FANCL: variants seen among roughly 807,000 people sequenced by gnomAD.
The protein encoded by FANCL is E3 ubiquitin-protein ligase FANCL.
A neutral mutation model predicts 59.4 loss-of-function variants in FANCL; 69 were observed. That is an observed-to-expected ratio of 1.16 (90% confidence interval 0.96 to 1.42). The LOEUF is 1.42. FANCL is among the 40% of genes most tolerant of loss of function. FANCL has a pLI of 0.00. For synonymous variants in FANCL, 180 were observed against 147.1 expected (o/e 1.22, Z -1.62); for missense variants, 519 against 447.2 (o/e 1.16, Z -1.45).
chr2:58,192,523 C>G (rs1558776099), intron 7 of FANCL, among the ~76,000 whole-genome samples: 1 of 151,858 alleles, frequency 6.6e-6, no homozygotes, highest in Admixed American at 6.6e-5. Context: ...CCGTTAACCA[C>G]ATTACATTAG....
At chr2:58,230,197 T>C (rs1693436241) in intron 2 of FANCL, among the ~76,000 whole-genome samples, 1 of 152,232 alleles carries the variant, frequency 6.6e-6, no homozygotes, top group Non-Finnish European at 1.5e-5. Context: ...ACAGTTTTGA[T>C]AACAATATAT....
intron 1 of FANCL, among the ~76,000 whole-genome samples, chr2:58,233,940 A>C (rs534729695): frequency 3.3e-5 from 5 of 152,184 alleles, no homozygotes; most frequent in Non-Finnish European, 5.9e-5. Flanking sequence ...TTAGGCTCTT[A>C]TACGAGTAAA....
Position 58,172,188 on chromosome 2 carries a change from A to C in FANCL, c.541-6314T>G, listed in dbSNP as rs531430925. Among the ~76,000 whole-genome samples the C allele has an allele frequency of 2.0e-5, 3 of 152,304 alleles. No individual in the cohort carries two copies. The South Asian group carries it at 6.2e-4, about 32-fold the overall frequency. ...TGGGGACACGGCACAGACAAACAAA[A>C]AGACAGCAGTAACCTCTGCAGACTT... On this transcript the variant is annotated intron_variant, in intron 7 of 13. Coordinates refer to ENST00000233741, the MANE Select transcript of FANCL (RefSeq NM_018062.4).
intron 6 of FANCL, among the ~76,000 whole-genome samples, chr2:58,199,309 C>G (rs972446019): frequency 1.3e-5 from 2 of 152,038 alleles, no homozygotes; most frequent in African/African-American, 4.8e-5. Context: ...AATAAGAGAT[C>G]AAATGAGTTG....
In FANCL at chr2:58,206,346, T is replaced by A. The variant is rs183479202; in HGVS notation, c.375-2120A>T. Among the ~76,000 whole-genome samples, 4 of 152,270 alleles carry A rather than the reference T, an allele frequency of 2.6e-5. No individual in the cohort carries two copies. In the East Asian group the frequency reaches 7.7e-4, roughly 29 times the overall value. On this transcript the variant is annotated intron_variant, in intron 5 of 13. Coordinates refer to ENST00000233741, the MANE Select transcript of FANCL (RefSeq NM_018062.4). Reference sequence around the variant, plus strand: ...GCAGATTATTTAGAAACATGGAAGTTGTAAACATGAATATTTCAAAGTATT... The same window carrying A: ...GCAGATTATTTAGAAACATGGAAGTAGTAAACATGAATATTTCAAAGTATT...
chr2:58,164,179 A>C (rs1685627069), intron 8 of FANCL, among the ~76,000 whole-genome samples: 1 of 152,006 alleles, frequency 6.6e-6, no homozygotes, highest in South Asian at 2.1e-4. Flanking sequence ...ACTACAGCGT[A>C]AGTTTCAGAA....
At chr2:58,240,110 T>TAA (rs79031739) in intron 1 of FANCL, among the ~76,000 whole-genome samples, 11 of 130,666 alleles carry the variant, frequency 8.4e-5, no homozygotes, top group South Asian at 2.5e-4. Flanking sequence ...ATGCTTCCTG[T>TAA]AAAAAAAAAA....
chr2:58,194,270 T>C, intron 7 of FANCL: 1 of 471,082 alleles, frequency 2.1e-6, no homozygotes, highest in Non-Finnish European at 4.4e-6. Flanking sequence ...GCTTGATCAG[T>C]GACCTGGACA....
intron 7 of FANCL, among the ~76,000 whole-genome samples, chr2:58,180,000 T>A (rs1439035205): frequency 6.6e-6 from 1 of 151,878 alleles, no homozygotes; most frequent in East Asian, 1.9e-4. Context: ...ATTAGAAAAA[T>A]GCAAATCAAA....
chr2:58,224,463 C>G (rs1692782604), intron 4 of FANCL, among the ~76,000 whole-genome samples: 1 of 151,694 alleles, frequency 6.6e-6, no homozygotes, highest in African/African-American at 2.4e-5. Context: ...AATCAAAATT[C>G]AAACTTTAGA....
chr2:58,217,888 G>A (rs1692009670), intron 5 of FANCL, among the ~76,000 whole-genome samples: 1 of 151,824 alleles, frequency 6.6e-6, no homozygotes. Flanking sequence ...TACCCAACAA[G>A]AGATTACATA....
chr2:58,232,052 A>C lies in FANCL; in HGVS notation c.155+2T>G. ...CACGTTTATAACTAAACACCATATC[A>C]CCTTGCATTCTTCAGTTGTAAATCT... On this transcript the variant is annotated splice_donor_variant, in intron 2 of 13. Transcript: ENST00000233741. LOFTEE classifies it high-confidence loss of function. 1 of 1,612,854 alleles carries C rather than the reference A, an allele frequency of 6.2e-7. No individual in the cohort carries two copies. Among genetic ancestry groups the C allele is most frequent in the Non-Finnish European group, 8.5e-7 (1 of 1,179,110 alleles).
chr2:58,159,855 T>C lies in FANCL; in HGVS notation c.1093-55A>G, dbSNP rs1050767536. ...TTTGTGGACACTCTAAAAAATAAAATTGCTTTGTACTAGAAATAGTGTCAT... is the reference window on the plus strand; with the variant it reads ...TTTGTGGACACTCTAAAAAATAAAACTGCTTTGTACTAGAAATAGTGTCAT... On this transcript the variant is annotated intron_variant, in intron 13 of 13. Transcript: ENST00000233741. 5.0e-6 allele frequency: 8 copies of C among 1,605,512 alleles called. No individual in the cohort carries two copies. The Admixed American group carries it at 6.8e-5, about 14-fold the overall frequency.
At chr2:58,197,213 T>C (rs1466467519) in intron 7 of FANCL, among the ~76,000 whole-genome samples, 1 of 151,606 alleles carries the variant, frequency 6.6e-6, no homozygotes, top group East Asian at 1.9e-4. Context: ...ATACAATATA[T>C]AATTAAAATG....
intron 7 of FANCL, among the ~76,000 whole-genome samples, chr2:58,191,900 C>G (rs906960125): frequency 1.2e-4 from 18 of 151,966 alleles, no homozygotes; most frequent in African/African-American, 4.1e-4. Context: ...CATATGTAAT[C>G]TATGACACAG....
At position 58,204,187 on chromosome 2, in the gene FANCL, T is replaced by G; in HGVS notation, c.414A>C (p.Leu138Phe). ...YADTCFSTIK[L>F]KAEDASGREH... ...CTCTACCAGAAGCATCTTCTGCTTT[T>G]AACTTGATGGTACTGAAGCAGGTAT... The change falls in exon 6 of 14, where the codon TTA (leucine) becomes TTC (phenylalanine). Residue 138 changes from leucine (L) to phenylalanine (F), a missense_variant. Leu to Phe is a conservative substitution (Grantham distance 22). Coordinates refer to ENST00000233741, the MANE Select transcript of FANCL (RefSeq NM_018062.4). 1 of 1,613,360 alleles carries G rather than the reference T, an allele frequency of 6.2e-7. No homozygotes were observed. The highest frequency in any genetic ancestry group is 2.2e-5 in the East Asian group (1 of 44,856).
At chr2:58,205,920 T>A (rs1336550807) in intron 5 of FANCL, among the ~76,000 whole-genome samples, 1 of 152,128 alleles carries the variant, frequency 6.6e-6, no homozygotes, top group Non-Finnish European at 1.5e-5. Context: ...GCCACTAACT[T>A]TTCAGTTAAA....
chr2:58,178,698 T>G (rs1687620055), intron 7 of FANCL, among the ~76,000 whole-genome samples: 1 of 152,028 alleles, frequency 6.6e-6, no homozygotes, highest in Non-Finnish European at 1.5e-5. Flanking sequence ...CTCTCACCAC[T>G]CCTATTCAAC....
At chr2:58,160,014 T>TTAGA in intron 13 of FANCL, 94 bp downstream of exon 13, 1 of 1,573,654 alleles carries the variant, frequency 6.4e-7, no homozygotes, top group East Asian at 2.3e-5. Context: ...TTCAAAAGTT[T>TTAGA]TAGATAAACT....
Sources: gnomAD v4.1 joint callset for allele counts (sites outside exome capture counted in the v4.1 genomes callset) on GRCh38, gnomAD v4.1.1 for gene constraint, MANE v1.5 for transcripts, NCBI Gene and HGNC (gene_info 2026-07-23, HGNC 2026-07-21) for gene names.